Variants in TTC29 observed in about 807,000 individuals in gnomAD.
TTC29 encodes the protein tetratricopeptide repeat domain 29, also known as tetratricopeptide repeat protein 29.
TTC29 carries 49 observed loss-of-function variants against 58.1 expected under a neutral mutation model. That is an observed-to-expected ratio of 0.84 (90% CI 0.67 to 1.07). TTC29 has a LOEUF of 1.07. Among genes scored for constraint, TTC29 ranks in the 50% least tolerant of loss-of-function variants. The pLI is 0.00. For synonymous variants in TTC29, 209 were observed against 196.8 expected (o/e 1.06, Z -0.52); for missense variants, 582 against 555.6 (o/e 1.05, Z -0.48).
chr4:146,887,588 C>A (rs1732073392), intron 6 of TTC29, among the ~76,000 whole-genome samples: 1 of 152,232 alleles, frequency 6.6e-6, no homozygotes, highest in Admixed American at 6.6e-5. Context: ...TAATACTTAT[C>A]TATCAAATTA....
At chr4:146,735,863 A>T (rs1744675141) in intron 11 of TTC29, among the ~76,000 whole-genome samples, 1 of 152,236 alleles carries the variant, frequency 6.6e-6, no homozygotes. Flanking sequence ...TGATAAAAAC[A>T]TAAGATTAAT....
chr4:146,764,602 G>A (rs1364378297), intron 11 of TTC29, among the ~76,000 whole-genome samples: 1 of 152,022 alleles, frequency 6.6e-6, no homozygotes, highest in Non-Finnish European at 1.5e-5. Context: ...CATAGGCTCA[G>A]TTATGTAAGA....
rs550703354 is a variant in TTC29, at chr4:146,767,433, C to G, written c.1330+36024G>C. On this transcript the variant is annotated intron_variant, in intron 11 of 12. Coordinates refer to ENST00000325106, the MANE Select transcript of TTC29 (RefSeq NM_031956.4). ...CCAAATGAAAACTTATTGTTTTGTC[C>G]CATTGCTTCAGGGCCTTGTTAATGT... Among the ~76,000 whole-genome samples, 14 of 151,964 alleles carry G rather than the reference C, an allele frequency of 9.2e-5. No individual in the cohort carries two copies. The South Asian group carries it at 2.1e-3, about 23-fold the overall frequency.
intron 11 of TTC29, among the ~76,000 whole-genome samples, chr4:146,778,067 T>TTA (rs1300018227): frequency 3.9e-5 from 6 of 152,214 alleles, no homozygotes; most frequent in African/African-American, 1.4e-4. Context: ...AGTTCATGGA[T>TTA]TATCTTCGTG....
At chr4:146,860,964 G>A (rs964763293) in intron 8 of TTC29, among the ~76,000 whole-genome samples, 27 of 152,276 alleles carry the variant, frequency 1.8e-4, no homozygotes, top group African/African-American at 6.5e-4. Context: ...TAGTAATGGG[G>A]TGAATCCTGT....
chr4:146,851,470 C>T (rs1431113280), intron 8 of TTC29, among the ~76,000 whole-genome samples: 2 of 152,148 alleles, frequency 1.3e-5, no homozygotes. Context: ...CCATACCCCT[C>T]CTCTTCTTTC....
At position 146,820,154 on chromosome 4, in the gene TTC29, T is replaced by C. The variant is rs1484778355; in HGVS notation, c.1072A>G (p.Thr358Ala). The C allele has an allele frequency of 6.2e-7, 1 of 1,613,372 alleles. No individual in the cohort carries two copies. The highest frequency in any genetic ancestry group is 8.5e-7 in the Non-Finnish European group (1 of 1,179,792). The change falls in exon 10 of 13, where the codon ACA becomes GCA. Residue 358 changes from threonine (T) to alanine (A), a missense_variant. Transcript: ENST00000325106. ...FQSLDLVRAS[T>A]MLGDIYNEKG... ...TCATTGTAGATGTCCCCAAGCATTG[T>C]ACTTGCTCTCACCAAATCTAGGCTT... is the stretch of plus-strand genomic sequence containing the variant.
chr4:146,867,392 G>A, intron 8 of TTC29, 106 bp downstream of exon 8: 2 of 502,946 alleles, frequency 4.0e-6, no homozygotes, highest in South Asian at 1.0e-4. Flanking sequence ...GCACACCTAT[G>A]TCAGGCCTAA....
chr4:146,919,958 C>T lies in TTC29; in HGVS notation c.177-10709G>A, dbSNP rs1178192606. ...ACATTTTATCTTTGCAAGAATTTGA[C>T]AAGTTTTGCAAGTAAAATTCTGTTT... is the stretch of plus-strand genomic sequence containing the variant. On this transcript the variant is annotated intron_variant, in intron 4 of 12. Coordinates refer to ENST00000325106, the MANE Select transcript of TTC29 (RefSeq NM_031956.4). Among the ~76,000 whole-genome samples the T allele has an allele frequency of 1.3e-5, 2 of 151,040 alleles. 1 individual carries two copies.
At chr4:146,741,368 A>T (rs1745135837) in intron 11 of TTC29, among the ~76,000 whole-genome samples, 1 of 152,140 alleles carries the variant, frequency 6.6e-6, no homozygotes, top group African/African-American at 2.4e-5. Flanking sequence ...AAGATATTGC[A>T]TGGGTTTGGA....
chr4:146,943,185 T>TC (rs1736582723), intron 2 of TTC29, among the ~76,000 whole-genome samples: 1 of 136,354 alleles, frequency 7.3e-6, no homozygotes, highest in African/African-American at 3.1e-5. Flanking sequence ...TTTTTTTTTT[T>TC]TTTTTTTTTT....
At chr4:146,884,156 A>C (rs1307223706) in intron 6 of TTC29, among the ~76,000 whole-genome samples, 1 of 152,138 alleles carries the variant, frequency 6.6e-6, no homozygotes, top group Non-Finnish European at 1.5e-5. Context: ...ATGCCCCAAA[A>C]AGTGACAATT....
intron 10 of TTC29, among the ~76,000 whole-genome samples, chr4:146,811,408 T>C (rs1241665258): frequency 6.6e-6 from 1 of 152,166 alleles, no homozygotes; most frequent in Admixed American, 6.5e-5. Context: ...GAGGATATTA[T>C]CTAGGATTGA....
chr4:146,807,091 A>G (rs761210644), intron 10 of TTC29, among the ~76,000 whole-genome samples: 4 of 152,218 alleles, frequency 2.6e-5, no homozygotes, highest in Non-Finnish European at 5.9e-5. Flanking sequence ...AACTCACTCA[A>G]AACTGCACAA....
chr4:146,867,540 G>A lies in TTC29; in HGVS notation c.843C>T (p.Gly281=). Residue 281 remains glycine (G), a synonymous_variant, in exon 8 of 13, where the codon GGC becomes GGT. Transcript: ENST00000325106. ...KMEAEASYYL[G]LAHLAAEEYE... ...ATTCCTCAGCAGCTAAGTGTGCTAA[G>A]CCCAAGTAGTAAGAGGCTTCCGCTT... 2 of 1,557,120 alleles carry A rather than the reference G, an allele frequency of 1.3e-6. No homozygotes were observed. Among genetic ancestry groups the A allele is most frequent in the Non-Finnish European group, 1.7e-6 (2 of 1,150,154 alleles).
intron 11 of TTC29, among the ~76,000 whole-genome samples, chr4:146,735,924 G>T (rs1561073285): frequency 6.6e-6 from 1 of 152,134 alleles, no homozygotes; most frequent in Non-Finnish European, 1.5e-5. Flanking sequence ...TCCCAGCAAG[G>T]TAGAAATATT....
intron 11 of TTC29, among the ~76,000 whole-genome samples, chr4:146,716,057 AG>A: frequency 6.6e-6 from 1 of 152,148 alleles, no homozygotes; most frequent in Non-Finnish European, 1.5e-5. Flanking sequence ...TATTCTGGAT[AG>A]AAAAAAAATA....
intron 11 of TTC29, among the ~76,000 whole-genome samples, chr4:146,778,976 CAAAAAAAAAAAAA>C (rs369374851): frequency 1.4e-4 from 4 of 28,536 alleles, no homozygotes; most frequent in Non-Finnish European, 2.1e-4. Flanking sequence ...CCTAAATAAG[CAAAAAAAAAAAAA>C]AAAAAAAAAA....
chr4:146,877,049 G>T (rs552848546), intron 6 of TTC29, among the ~76,000 whole-genome samples: 12 of 151,790 alleles, frequency 7.9e-5, no homozygotes, highest in African/African-American at 2.9e-4. Flanking sequence ...AATGTGTACT[G>T]CAGACTTGTT....
Sources: gnomAD v4.1 joint callset for allele counts (sites outside exome capture counted in the v4.1 genomes callset) on GRCh38, gnomAD v4.1.1 for gene constraint, MANE v1.5 for transcripts, NCBI Gene and HGNC (gene_info 2026-07-23, HGNC 2026-07-21) for gene names.